NLRP14: variants seen among roughly 807,000 people sequenced by gnomAD.
The protein encoded by NLRP14 is NACHT, LRR and PYD domains-containing protein 14.
NLRP14 carries 105 observed loss-of-function variants against 94.7 expected under a neutral mutation model. The observed-to-expected ratio is 1.11, with a 90% CI of 0.95 to 1.30. The LOEUF (loss-of-function observed/expected upper bound fraction) is 1.30, where lower values mean the gene tolerates loss of function less well. NLRP14 is among the 50% of genes most tolerant of loss of function. The pLI, the probability that NLRP14 is intolerant of heterozygous loss-of-function variation, is 0.00. For missense variants in NLRP14, 1,362 were observed against 1,254.1 expected (o/e 1.09, Z -1.30); for synonymous variants, 508 against 459.9 (o/e 1.10, Z -1.34).
chr11:7,028,054 C>T (rs578261021), intron 1 of NLRP14, among the ~76,000 whole-genome samples: 25 of 152,082 alleles, frequency 1.6e-4, no homozygotes, highest in Non-Finnish European at 2.8e-4. Flanking sequence ...GTTCTATTCT[C>T]ACTCCCGGAA....
chr11:7,073,807 G>C (rs1316562078), downstream of NLRP14, among the ~76,000 whole-genome samples: 3 of 152,208 alleles, frequency 2.0e-5, no homozygotes, highest in Non-Finnish European at 4.4e-5. Flanking sequence ...CATTTGGCTT[G>C]TGCTACCTTC....
intron 10 of NLRP14, among the ~76,000 whole-genome samples, chr11:7,064,879 T>C (rs1270764511): frequency 9.2e-5 from 14 of 151,956 alleles, no homozygotes; most frequent in Non-Finnish European, 1.8e-4. Flanking sequence ...GGTAGGGACA[T>C]CTTTGTTATA....
chr11:7,052,209 G>A (rs1852450222), intron 6 of NLRP14, among the ~76,000 whole-genome samples: 1 of 152,196 alleles, frequency 6.6e-6, no homozygotes, highest in Non-Finnish European at 1.5e-5. Context: ...AGCAAGGTAA[G>A]GGAATGATTG....
chr11:7,087,391 C>T, the NLRP14 span, among the ~76,000 whole-genome samples: 1 of 152,206 alleles, frequency 6.6e-6, no homozygotes, highest in Non-Finnish European at 1.5e-5. Context: ...GCCTGGTCTT[C>T]CTTGCTTGGA....
At chr11:7,032,577 A>G (rs956053244) in intron 1 of NLRP14, among the ~76,000 whole-genome samples, 1 of 152,078 alleles carries the variant, frequency 6.6e-6, no homozygotes, top group Non-Finnish European at 1.5e-5. Flanking sequence ...AACTCCTTTT[A>G]TATGGTACTG....
downstream of NLRP14, among the ~76,000 whole-genome samples, chr11:7,072,045 G>GT (rs1852808879): frequency 6.6e-6 from 1 of 152,204 alleles, no homozygotes; most frequent in South Asian, 2.1e-4. Flanking sequence ...TAAATTTTGT[G>GT]TGTGTGTGTG....
chr11:7,056,565 T>C (rs1001998497), intron 6 of NLRP14, among the ~76,000 whole-genome samples: 3 of 148,230 alleles, frequency 2.0e-5, no homozygotes, highest in African/African-American at 7.4e-5. Flanking sequence ...ATGGGAAGGA[T>C]AAGAGAAAAT....
intron 10 of NLRP14, among the ~76,000 whole-genome samples, chr11:7,069,606 CCTT>C (rs1168831741): frequency 6.7e-6 from 1 of 149,036 alleles, no homozygotes; most frequent in Non-Finnish European, 1.5e-5. Flanking sequence ...ATGCTAGAGA[CCTT>C]ATTATATTTC....
chr11:7,061,623 A>G (rs1344403983), intron 9 of NLRP14, among the ~76,000 whole-genome samples: 1 of 152,098 alleles, frequency 6.6e-6, no homozygotes. Context: ...AAATTACAAT[A>G]TATTCCATAC....
At chr11:7,022,165 A>G (rs1851955083) in intron 1 of NLRP14, among the ~76,000 whole-genome samples, 1 of 152,152 alleles carries the variant, frequency 6.6e-6, no homozygotes. Context: ...TCCACCACAC[A>G]GTGAGCATCT....
downstream of NLRP14, among the ~76,000 whole-genome samples, chr11:7,071,776 C>T (rs1852804088): frequency 1.3e-5 from 2 of 151,482 alleles, no homozygotes; most frequent in African/African-American, 4.8e-5. Flanking sequence ...GATTCCTGAA[C>T]CCCACACTAG....
rs181828772 is a variant in NLRP14 at position 7,070,521 on chromosome 11, T to C, written c.3146+65T>C. 29 of 1,117,782 alleles carry C rather than the reference T, an allele frequency of 2.6e-5. No individual in the cohort carries two copies. In the African/African-American group the frequency reaches 3.8e-4, roughly 15 times the overall value. The allele number at this position is 1,117,782 out of a possible 1,614,324, so 69.2% of individuals were successfully genotyped here. On this transcript the variant is annotated intron_variant, in intron 11 of 11. Transcript: ENST00000299481. ...AATGAGGGATTTGGGGAGCCACTCATTAATACAGGCCTCAGAATCCACCTA... is the reference window on the plus strand; with the variant it reads ...AATGAGGGATTTGGGGAGCCACTCACTAATACAGGCCTCAGAATCCACCTA...
At chr11:7,036,335 A>T (rs139161788) in intron 1 of NLRP14, among the ~76,000 whole-genome samples, 205 of 152,348 alleles carry the variant, frequency 1.3e-3, no homozygotes, top group African/African-American at 4.5e-3. Flanking sequence ...AGGACAGCGT[A>T]AAACCTTTGG....
intron 1 of NLRP14, among the ~76,000 whole-genome samples, chr11:7,023,524 A>AATATATTT (rs375079143): frequency 0.58 from 83,382 of 144,328 alleles, 24,914 homozygotes; most frequent in East Asian, 0.73. Context: ...TAATATATAA[A>AATATATTT]ATATATTTAT....
In NLRP14 at chr11:7,043,397, C is replaced by G. The variant is rs1852297883; in HGVS notation, c.1371C>G (p.Val457=). The G allele has an allele frequency of 6.2e-7, 1 of 1,614,036 alleles. No individual in the cohort carries two copies. The highest frequency in any genetic ancestry group is 1.7e-5 in the Admixed American group (1 of 60,022). ...GGCTTGGGTTAACTCAATCTGATGT[C>G]TCTAGTTTTATGGACAGCAATATTA... The part of the protein sequence containing the change: ...LRRLGLTQSD[V]SSFMDSNIIQ... Residue 457 remains valine (V), a synonymous_variant, in exon 4 of 12, where the codon GTC becomes GTG. Transcript: ENST00000299481.
intron 1 of NLRP14, among the ~76,000 whole-genome samples, chr11:7,023,030 T>G (rs1183129742): frequency 6.6e-6 from 1 of 152,120 alleles, no homozygotes; most frequent in Non-Finnish European, 1.5e-5. Flanking sequence ...ATATATATTT[T>G]AAACATAATG....
intron 5 of NLRP14, among the ~76,000 whole-genome samples, chr11:7,047,318 GT>G (rs55966273): frequency 0.82 from 116,705 of 142,160 alleles, 45,889 homozygotes; most frequent in East Asian, 0.98. Flanking sequence ...TACCCCTTTC[GT>G]TTTTTTTTTT....
intron 6 of NLRP14, among the ~76,000 whole-genome samples, chr11:7,052,992 T>C (rs1852463902): frequency 6.6e-6 from 1 of 152,314 alleles, no homozygotes; most frequent in South Asian, 2.1e-4. Context: ...ATGATATATA[T>C]GTATACACAG....
At chr11:7,083,914 C>G in the NLRP14 span, among the ~76,000 whole-genome samples, 1 of 152,186 alleles carries the variant, frequency 6.6e-6, no homozygotes, top group Non-Finnish European at 1.5e-5. Context: ...TTACATTGCT[C>G]TCTGTCTGGC....
Sources: allele counts gnomAD v4.1 joint callset (sites outside exome capture counted in the v4.1 genomes callset), GRCh38; gene constraint gnomAD v4.1.1; transcripts MANE v1.5; gene names NCBI Gene and HGNC (gene_info 2026-07-23, HGNC 2026-07-21).